EDNRA: variants seen among roughly 807,000 people sequenced by gnomAD.
EDNRA encodes endothelin receptor type A.
Under a neutral mutation model 41.4 loss-of-function variants are expected in EDNRA, and 11 were observed. The observed-to-expected ratio is 0.27, with a 90% CI of 0.17 to 0.44. The LOEUF (loss-of-function observed/expected upper bound fraction) is 0.44. EDNRA is among the 20% of genes least tolerant of loss of function. EDNRA has a pLI of 1.00. For missense variants in EDNRA, 294 were observed against 531.0 expected, an observed-to-expected ratio of 0.55 and a Z score of 4.39; for synonymous variants, 172 against 183.0, an observed-to-expected ratio of 0.94 and a Z score of 0.49.
intron 2 of EDNRA, among the ~76,000 whole-genome samples, chr4:147,514,278 A>G (rs1330887578): frequency 1.3e-5 from 2 of 152,234 alleles, no homozygotes; most frequent in East Asian, 3.9e-4. Context: ...TAAATCTTAT[A>G]GGTTCACAAC....
intron 5 of EDNRA, among the ~76,000 whole-genome samples, chr4:147,539,235 G>A (rs1219915509): frequency 6.6e-6 from 1 of 151,716 alleles, no homozygotes; most frequent in African/African-American, 2.4e-5. Context: ...CCCAATAATA[G>A]CTATGTTCAA....
At chr4:147,508,672 A>C (rs1578792799) in intron 2 of EDNRA, among the ~76,000 whole-genome samples, 1 of 152,188 alleles carries the variant, frequency 6.6e-6, no homozygotes, top group East Asian at 1.9e-4. Flanking sequence ...ATTTTTTTGC[A>C]TATGGATACT....
Position 147,539,821 on chromosome 4 carries a change from G to A in EDNRA, c.905G>A (p.Arg302Gln), listed in dbSNP as rs763015080. The change falls in exon 6 of 8, where the codon CGA becomes CAA. Residue 302 changes from arginine to glutamine, a missense_variant. Transcript: ENST00000651419. ...TTTTTTCTCACTTTCCTTTAGCGTC[G>A]AGAAGTGGCAAAAACAGTTTTCTGC... ...IALSEHLKQR[R>Q]EVAKTVFCLV... 3.7e-6 allele frequency: 6 copies of A among 1,606,902 alleles called. No homozygotes were observed. The highest frequency in any genetic ancestry group is 1.1e-5 in the South Asian group (1 of 89,184).
chr4:147,506,806 C>T, intron 2 of EDNRA: 2 of 204,684 alleles, frequency 9.8e-6, no homozygotes, highest in South Asian at 2.3e-4. Context: ...AACAGTGATG[C>T]TAAGCAAAAC....
At chr4:147,542,361 C>A in intron 7 of EDNRA, 117 bp from the exon 8 acceptor site, 1 of 1,429,160 alleles carries the variant, frequency 7.0e-7, no homozygotes, top group African/African-American at 1.4e-5. Flanking sequence ...TGTCAAGGTT[C>A]ACTTCCCTCG....
At chr4:147,528,197 G>A (rs989231629) in intron 3 of EDNRA, among the ~76,000 whole-genome samples, 9 of 152,064 alleles carry the variant, frequency 5.9e-5, no homozygotes, top group Admixed American at 3.9e-4. Context: ...GTGAGGTAAG[G>A]TACATGCATG....
chr4:147,521,276 T>G (rs1730315080), intron 3 of EDNRA, among the ~76,000 whole-genome samples: 1 of 152,152 alleles, frequency 6.6e-6, no homozygotes, highest in Admixed American at 6.6e-5. Context: ...CATTAGTAAT[T>G]TAAAACACAA....
At chr4:147,492,303 A>T (rs1729163718) in intron 2 of EDNRA, 1 of 152,234 alleles carries the variant, frequency 6.6e-6, no homozygotes. Flanking sequence ...AAATGAGTGA[A>T]AAAAGAAAAT....
chr4:147,515,162 T>C (rs995542919), intron 2 of EDNRA, among the ~76,000 whole-genome samples: 37 of 152,142 alleles, frequency 2.4e-4, no homozygotes, highest in African/African-American at 8.4e-4. Context: ...AGATTCTAAT[T>C]TTGTTGGTCT....
At chr4:147,505,327 A>ATTTTTTTTTTTTTTTTTTTTTTTTT (rs869077171) in intron 2 of EDNRA, among the ~76,000 whole-genome samples, 9 of 79,686 alleles carry the variant, frequency 1.1e-4, no homozygotes, top group African/African-American at 3.7e-4. Context: ...TTCTTTTTTC[A>ATTTTTTTTTTTTTTTTTTTTTTTTT]TTTTTTTTTT....
intron 2 of EDNRA, among the ~76,000 whole-genome samples, chr4:147,518,577 G>A (rs547884599): frequency 1.2e-4 from 18 of 152,292 alleles, no homozygotes; most frequent in African/African-American, 7.2e-5. Flanking sequence ...AGACTGCCCT[G>A]TGTAACCAAG....
At chr4:147,533,007 G>GTA (rs1730803287) in intron 4 of EDNRA, among the ~76,000 whole-genome samples, 1 of 129,306 alleles carries the variant, frequency 7.7e-6, no homozygotes, top group Non-Finnish European at 1.6e-5. Context: ...GTGTGTGTAT[G>GTA]TGTGTGTGTG....
At position 147,486,393 on chromosome 4, in the gene EDNRA, A is replaced by G. The variant is rs190771897; in HGVS notation, c.420+292A>G. On this transcript the variant is annotated intron_variant, in intron 2 of 7. Coordinates refer to ENST00000651419, the MANE Select transcript of EDNRA (RefSeq NM_001957.4). This position sits in a 1 kb window ranked among gnomAD's most constrained non-coding sequence, Gnocchi z 4.3. The stretch of plus-strand genomic sequence containing the variant: ...CCACCCCTGGGCTTGCTGGTTGGAT[A>G]GGCTGTCTTGGCAAGATCCCTGGAT... 3.3e-5 allele frequency among the ~76,000 whole-genome samples: 5 copies of G among 152,276 alleles called. No homozygotes were observed. In the East Asian group the frequency reaches 9.6e-4, roughly 29 times the overall value.
chr4:147,507,229 C>G (rs892925376), intron 2 of EDNRA, among the ~76,000 whole-genome samples: 2 of 151,642 alleles, frequency 1.3e-5, no homozygotes, highest in Admixed American at 6.6e-5. Flanking sequence ...AAAAAAAAAC[C>G]CTGTACATTA....
chr4:147,523,626 G>T (rs570163217), intron 3 of EDNRA, among the ~76,000 whole-genome samples: 2 of 151,858 alleles, frequency 1.3e-5, no homozygotes, highest in Non-Finnish European at 2.9e-5. Flanking sequence ...GAGTAGCTGG[G>T]ACTACAGGTG....
At chr4:147,508,976 T>A (rs1438470307) in intron 2 of EDNRA, among the ~76,000 whole-genome samples, 1 of 152,224 alleles carries the variant, frequency 6.6e-6, no homozygotes, top group East Asian at 1.9e-4. Flanking sequence ...ATTTGTTAGT[T>A]TCCTTGGATT....
intron 2 of EDNRA, among the ~76,000 whole-genome samples, chr4:147,514,177 A>G (rs932857009): frequency 6.6e-6 from 1 of 152,098 alleles, no homozygotes; most frequent in Admixed American, 6.6e-5. Context: ...AACTACCCCC[A>G]TTTAACAAAT....
At chr4:147,518,767 G>C (rs1407345815) in intron 2 of EDNRA, among the ~76,000 whole-genome samples, 1 of 152,018 alleles carries the variant, frequency 6.6e-6, no homozygotes, top group African/African-American at 2.4e-5. Flanking sequence ...AAAAGAAAAA[G>C]GAGTTTGTCA....
intron 2 of EDNRA, among the ~76,000 whole-genome samples, chr4:147,506,996 G>A (rs1185556197): frequency 1.3e-5 from 2 of 152,096 alleles, no homozygotes; most frequent in Non-Finnish European, 2.9e-5. Flanking sequence ...TATTCACAAT[G>A]GGAATAAGGG....
Sources: allele counts gnomAD v4.1 joint callset (sites outside exome capture counted in the v4.1 genomes callset), GRCh38; gene constraint gnomAD v4.1.1; non-coding constraint Gnocchi (gnomAD v3.1); transcripts MANE v1.5; gene names NCBI Gene and HGNC (gene_info 2026-07-23, HGNC 2026-07-21).